Variants in HCRTR2 observed in about 807,000 individuals in gnomAD.
HCRTR2 encodes hypocretin receptor 2.
Under a neutral mutation model 49.0 loss-of-function variants are expected in HCRTR2, and 22 were observed. That is an observed-to-expected ratio of 0.45 (90% CI 0.32 to 0.64). HCRTR2 has a LOEUF of 0.64. Ranked by LOEUF, HCRTR2 falls within the 30% of genes least tolerant of loss-of-function variation. The pLI, the probability that HCRTR2 is intolerant of heterozygous loss-of-function variation, is 0.04. For synonymous variants in HCRTR2, 236 were observed against 205.3 expected, an observed-to-expected ratio of 1.15 and a Z score of -1.28; for missense variants, 491 against 559.4, an observed-to-expected ratio of 0.88 and a Z score of 1.23.
chr6:55,278,525 C>G (rs1001902508), intron 5 of HCRTR2, among the ~76,000 whole-genome samples: 1 of 151,796 alleles, frequency 6.6e-6, no homozygotes, highest in Non-Finnish European at 1.5e-5. Flanking sequence ...TTCTCTTTGG[C>G]CCCTGTTTTT....
intron 1 of HCRTR2, among the ~76,000 whole-genome samples, chr6:55,160,462 A>T (rs2127262079): frequency 6.6e-6 from 1 of 152,336 alleles, no homozygotes; most frequent in Admixed American, 6.5e-5. Flanking sequence ...CATTATAATG[A>T]CAGGATCAAA....
At chr6:55,210,688 T>C (rs1023985989) in intron 1 of HCRTR2, among the ~76,000 whole-genome samples, 1 of 152,168 alleles carries the variant, frequency 6.6e-6, no homozygotes, top group Admixed American at 6.6e-5. Flanking sequence ...TTCCTGTGGC[T>C]GGATAAGGAA....
chr6:55,146,094 G>T (rs748444618), intron 1 of HCRTR2, among the ~76,000 whole-genome samples: 1 of 151,884 alleles, frequency 6.6e-6, no homozygotes, highest in Non-Finnish European at 1.5e-5. Flanking sequence ...AGCTGCACAG[G>T]CCATGTAAAA....
In HCRTR2 at chr6:55,190,941, T is replaced by C. The variant is rs1562001227; in HGVS notation, c.223+16131T>C. Among the ~76,000 whole-genome samples the C allele has an allele frequency of 2.0e-5, 3 of 152,152 alleles. No individual in the cohort carries two copies. In the South Asian group the frequency reaches 6.2e-4, roughly 31 times the overall value. ...AAAAGTAACCTCCTGTTATATTTGA[T>C]GGAGGCCAATTGACAAGCCAAGTAG... On this transcript the variant is annotated intron_variant, in intron 1 of 6. Coordinates refer to ENST00000370862, the MANE Select transcript of HCRTR2 (RefSeq NM_001384272.1).
Position 55,122,163 on chromosome 6 carries a change from G to A in HCRTR2, c.-378+15618G>A, listed in dbSNP as rs1236225692. Among the ~76,000 whole-genome samples, 3 of 152,126 alleles carry A rather than the reference G, an allele frequency of 2.0e-5. No homozygotes were observed. In the East Asian group the frequency reaches 5.8e-4, roughly 29 times the overall value. On this transcript the variant is annotated intron_variant, in intron 1 of 7. Transcript: ENST00000615358. ...AGAGCCTGTTATTGGTCTATTCAGA[G>A]ATTCAACTTCTTCCTGGTTTAGTCT...
chr6:55,184,110 G>C (rs1183223025), intron 1 of HCRTR2, among the ~76,000 whole-genome samples: 11 of 152,008 alleles, frequency 7.2e-5, no homozygotes, highest in African/African-American at 2.7e-4. Context: ...TGAATTCTTA[G>C]TAGAGATGGG....
chr6:55,171,752 T>A (rs1764953009), upstream of HCRTR2, among the ~76,000 whole-genome samples: 1 of 152,190 alleles, frequency 6.6e-6, no homozygotes, highest in Non-Finnish European at 1.5e-5. Flanking sequence ...TTTCTCGTTA[T>A]TTATAACTTC....
chr6:55,167,757 C>T (rs1404828514), intron 1 of HCRTR2, among the ~76,000 whole-genome samples: 1 of 152,144 alleles, frequency 6.6e-6, no homozygotes, highest in African/African-American at 2.4e-5. Flanking sequence ...CAAGTACCCC[C>T]AAAGTTATAG....
At chr6:55,208,959 T>G (rs1765652150) in intron 1 of HCRTR2, among the ~76,000 whole-genome samples, 1 of 152,174 alleles carries the variant, frequency 6.6e-6, no homozygotes, top group South Asian at 2.1e-4. Context: ...AGGTATGAAG[T>G]ACTGAAAAAT....
intron 1 of HCRTR2, among the ~76,000 whole-genome samples, chr6:55,187,660 T>G (rs1765243935): frequency 1.3e-5 from 2 of 149,710 alleles, no homozygotes; most frequent in African/African-American, 4.9e-5. Flanking sequence ...CAACAACTAG[T>G]GTGATAGGGC....
At chr6:55,150,736 T>C (rs993357651) in intron 1 of HCRTR2, among the ~76,000 whole-genome samples, 5 of 152,044 alleles carry the variant, frequency 3.3e-5, no homozygotes, top group Non-Finnish European at 7.4e-5. Context: ...CATTTTTCTA[T>C]TGATGGAAAT....
chr6:55,225,351 T>C (rs1765983483), intron 1 of HCRTR2, among the ~76,000 whole-genome samples: 1 of 151,806 alleles, frequency 6.6e-6, no homozygotes, highest in Admixed American at 6.6e-5. Context: ...AGCCCTGTCT[T>C]TTTTTTTAAT....
chr6:55,161,951 GA>G (rs1382554898), intron 1 of HCRTR2, among the ~76,000 whole-genome samples: 10 of 152,140 alleles, frequency 6.6e-5, no homozygotes, highest in African/African-American at 2.2e-4. Flanking sequence ...CCAAACAACA[GA>G]AAAAGAAAGA....
intron 1 of HCRTR2, among the ~76,000 whole-genome samples, chr6:55,214,453 T>G (rs1471149809): frequency 1.3e-5 from 2 of 152,304 alleles, no homozygotes; most frequent in East Asian, 3.9e-4. Context: ...CACCTCAGCC[T>G]CCTGAGTAGC....
At chr6:55,235,717 T>C (rs1299411981) in intron 1 of HCRTR2, among the ~76,000 whole-genome samples, 2 of 152,114 alleles carry the variant, frequency 1.3e-5, no homozygotes, top group African/African-American at 4.8e-5. Context: ...TTCAGTATCA[T>C]TTGTAGAAAA....
intron 1 of HCRTR2, among the ~76,000 whole-genome samples, chr6:55,150,473 T>A (rs1764649914): frequency 1.3e-5 from 2 of 151,976 alleles, no homozygotes; most frequent in African/African-American, 4.8e-5. Context: ...TGAGACTTTC[T>A]ACCCTTTGGT....
At chr6:55,241,014 GCA>G (rs1313207184) in intron 1 of HCRTR2, among the ~76,000 whole-genome samples, 1 of 149,246 alleles carries the variant, frequency 6.7e-6, no homozygotes, top group African/African-American at 2.5e-5. Flanking sequence ...TAGTACATGT[GCA>G]CAATGTGCAG....
chr6:55,237,341 C>T (rs543404534), intron 1 of HCRTR2, among the ~76,000 whole-genome samples: 7 of 152,238 alleles, frequency 4.6e-5, no homozygotes, highest in Admixed American at 6.5e-5. Flanking sequence ...ACCACTATCC[C>T]GTCAGTCACT....
intron 1 of HCRTR2, among the ~76,000 whole-genome samples, chr6:55,196,552 A>G (rs1765421150): frequency 1.3e-5 from 2 of 152,180 alleles, no homozygotes; most frequent in Admixed American, 1.3e-4. Flanking sequence ...GAACCATGAT[A>G]CTAGTTTTAG....
Sources: gnomAD v4.1 joint callset for allele counts (sites outside exome capture counted in the v4.1 genomes callset) on GRCh38, gnomAD v4.1.1 for gene constraint, MANE v1.5 for transcripts, NCBI Gene and HGNC (gene_info 2026-07-23, HGNC 2026-07-21) for gene names.